Variants in TAF1C observed in about 807,000 individuals in gnomAD.
TAF1C encodes the protein TATA-box binding protein associated factor, RNA polymerase I subunit C, also known as TATA box-binding protein-associated factor RNA polymerase I subunit C.
In TAF1C, 79 loss-of-function variants were observed where a neutral mutation model predicts 70.5. The ratio of observed to expected loss-of-function variants is 1.12; its 90% CI spans 0.93 to 1.35. The LOEUF is 1.35. Ranked by LOEUF, TAF1C falls within the 40% of genes most tolerant of loss-of-function variation. TAF1C has a pLI of 0.00. For synonymous variants in TAF1C, 614 were observed against 491.1 expected, an observed-to-expected ratio of 1.25 and a Z score of -3.31; for missense variants, 1,412 against 1,127.8, an observed-to-expected ratio of 1.25 and a Z score of -3.61.
rs2303236 is a variant in TAF1C at position 84,181,895 on chromosome 16, G to A, written c.839-32C>T. On this transcript the variant is annotated intron_variant, in intron 8 of 14. Coordinates refer to ENST00000566732, the MANE Select transcript of TAF1C (RefSeq NM_001243156.2). The stretch of plus-strand genomic sequence containing the variant: ...AGGGATGGAAAGGGCCAGGGGTCAG[G>A]TAGCAGGTCAGCCAGTGAGGGAGGA... 1.2e-5 allele frequency: 20 copies of A among 1,614,054 alleles called. No homozygotes were observed. In the East Asian group the frequency reaches 4.0e-4, roughly 32 times the overall value.
At position 84,181,117 on chromosome 16, in the gene TAF1C, C is replaced by T; in HGVS notation, c.1234G>A (p.Val412Ile). ...TGCCCCAGGTACTGGGTAAGCAGGA[C>T]ACGTTCCCCTTTCTGGCACGAAGCC... Reference protein sequence around the residue: ...AEASCQKGERVLLTQYLGHSS... With the variant: ...AEASCQKGERILLTQYLGHSS... Residue 412 changes from valine to isoleucine, a missense_variant, in exon 12 of 15, where the codon GTC becomes ATC. Physicochemically the swap from Val to Ile is conservative, Grantham distance 29. Coordinates refer to ENST00000566732, the MANE Select transcript of TAF1C (RefSeq NM_001243156.2). 1.2e-6 allele frequency: 2 copies of T among 1,613,274 alleles called. No homozygotes were observed. Among genetic ancestry groups the T allele is most frequent in the African/African-American group, 2.7e-5 (2 of 75,052 alleles).
At position 84,179,356 on chromosome 16, in the gene TAF1C, C is replaced by G; in HGVS notation, c.2117G>C (p.Trp706Ser). 2 of 1,601,008 alleles carry G rather than the reference C, an allele frequency of 1.2e-6. No homozygotes were observed. The highest frequency in any genetic ancestry group is 1.7e-6 in the Non-Finnish European group (2 of 1,179,096). The change falls in exon 15 of 15, where the codon TGG becomes TCG. Residue 706 changes from tryptophan (W) to serine (S), a missense_variant. By Grantham distance (177) the Trp-to-Ser change is radical. Coordinates refer to ENST00000566732, the MANE Select transcript of TAF1C (RefSeq NM_001243156.2). ...GGTCCTGCCCTGCTGCCTCTCCCAC[C>G]AGGCAGCCCCTCGGCCTGCCCAGGC... ...GEAWAGRGAA[W>S]WERQQGRTSE...
In TAF1C at chr16:84,179,817, C is replaced by A. The variant is rs777416461; in HGVS notation, c.1656G>T (p.Ala552=). The A allele has an allele frequency of 1.9e-6, 3 of 1,609,338 alleles. No homozygotes were observed. The highest frequency in any genetic ancestry group is 2.2e-5 in the East Asian group (1 of 44,778). ...LAAVVPPLPS[A]PTPGLVLFQL... Reference sequence around the variant, plus strand: ...GGAAGAGCACCAGGCCTGGTGTGGGCGCTGAGGGCAAGGGCGGGACGACGG... The same window carrying A: ...GGAAGAGCACCAGGCCTGGTGTGGGAGCTGAGGGCAAGGGCGGGACGACGG... The change falls in exon 15 of 15, where the codon GCG becomes GCT. Residue 552 remains alanine, a synonymous_variant. Coordinates refer to ENST00000566732, the MANE Select transcript of TAF1C (RefSeq NM_001243156.2).
chr16:84,180,628 T>C (rs1460921542), intron 12 of TAF1C: 8 of 610,640 alleles, frequency 1.3e-5, no homozygotes, highest in Non-Finnish European at 2.1e-5. Context: ...TGCCTGGCCT[T>C]CTCGCAGCCA....
chr16:84,184,311 T>C (rs2089367643), intron 2 of TAF1C, among the ~76,000 whole-genome samples: 1 of 152,140 alleles, frequency 6.6e-6, no homozygotes, highest in Non-Finnish European at 1.5e-5. Context: ...AAGCCTCTGC[T>C]CCACTGTCTC....
In TAF1C at chr16:84,181,808, C is replaced by A; in HGVS notation, c.894G>T (p.Gln298His). ...TTGCCTGCAGAAGGGTTGGCTGCCA[C>A]TGTTTACCAAACTTCCACACGGCAC... is the stretch of plus-strand genomic sequence containing the variant. ...YHCAVWKFGK[Q>H]WQPTLLQAMQ... is the part of the protein sequence containing the mutation. The change falls in exon 9 of 15, where the codon CAG (glutamine) becomes CAT (histidine). Residue 298 changes from glutamine to histidine, a missense_variant. Coordinates refer to ENST00000566732, the MANE Select transcript of TAF1C (RefSeq NM_001243156.2). 1 of 1,614,174 alleles carries A rather than the reference C, an allele frequency of 6.2e-7. No homozygotes were observed. Among genetic ancestry groups the A allele is most frequent in the Non-Finnish European group, 8.5e-7 (1 of 1,180,024 alleles).
At chr16:84,181,216 CCA>C in intron 11 of TAF1C, 30 bp from the exon 12 acceptor site, 3 of 1,594,024 alleles carry the variant, frequency 1.9e-6, no homozygotes, top group Non-Finnish European at 2.6e-6. Flanking sequence ...TCAGCCCTCC[CCA>C]CAGTCCCAGG....
At chr16:84,180,476 A>G in intron 12 of TAF1C, 132 bp from the exon 13 acceptor site, 1 of 964,724 alleles carries the variant, frequency 1.0e-6, no homozygotes, top group South Asian at 1.7e-5. Flanking sequence ...ATCAGCCTCC[A>G]CGTGCCTCTC....
At chr16:84,180,730 G>A in intron 12 of TAF1C, 11 of 1,150,200 alleles carry the variant, frequency 9.6e-6, no homozygotes, top group Non-Finnish European at 1.2e-5. Flanking sequence ...CTTCCTCAGA[G>A]CCCCCGCCTC....
Position 84,185,072 on chromosome 16 carries a change from A to G in TAF1C, c.-72-12T>C. 3.3e-6 allele frequency: 5 copies of G among 1,496,626 alleles called. No homozygotes were observed. The South Asian group carries it at 6.4e-5, about 19-fold the overall frequency. 92.7% of individuals were successfully genotyped at this position (1,496,626 alleles called of 1,614,324 possible). On this transcript the variant is annotated splice_polypyrimidine_tract_variant and intron_variant, in intron 1 of 14. Transcript: ENST00000566732. ...GGGCGCCAGAGTTCCTGAGGAGTGA[A>G]AAGTGCACTACGGGAAGCATATGTT... is the stretch of plus-strand genomic sequence containing the variant.
chr16:84,179,250 A>C lies in TAF1C; in HGVS notation c.2223T>G (p.Asp741Glu). ...SSSFSLSGHV[D>E]PSEDTSSPHS... is the part of the protein sequence containing the mutation. ...GAGGGGAGCTGGTGTCCTCTGAGGG[A>C]TCCACATGGCCACTGAGCGAAAAGC... is the stretch of plus-strand genomic sequence containing the variant. Residue 741 changes from aspartate (D) to glutamate (E), a missense_variant, in exon 15 of 15, where the codon GAT becomes GAG. Physicochemically the swap from Asp to Glu is conservative, Grantham distance 45. Transcript: ENST00000566732. 1 of 1,584,708 alleles carries C rather than the reference A, an allele frequency of 6.3e-7. No individual in the cohort carries two copies. The highest frequency in any genetic ancestry group is 8.5e-7 in the Non-Finnish European group (1 of 1,171,880).
chr16:84,182,026 T>C lies in TAF1C; in HGVS notation c.754A>G (p.Asn252Asp), dbSNP rs149739331. The part of the protein sequence containing the change: ...FQEVVLTPGD[N>D]PQFLGKPGRI... ...CCAGGTTTCCCAAGGAATTGGGGAT[T>C]GTCACCTGGGGTCAGAACGACCTCT... Residue 252 changes from asparagine to aspartate, a missense_variant, in exon 8 of 15, where the codon AAT becomes GAT. Transcript: ENST00000566732. This position sits in a 1 kb window ranked among gnomAD's most constrained non-coding sequence, Gnocchi z 5.0. The C allele has an allele frequency of 6.0e-5, 96 of 1,613,396 alleles. No individual in the cohort carries two copies. The highest frequency in any genetic ancestry group is 8.1e-5 in the Non-Finnish European group (96 of 1,180,012).
At chr16:84,183,365 A>G (rs1214659957) in intron 4 of TAF1C, 32 bp from the exon 5 acceptor site, 7 of 1,613,742 alleles carry the variant, frequency 4.3e-6, no homozygotes, top group Middle Eastern at 1.6e-4. Context: ...GTCACTAAGC[A>G]CAGTCTCCAG....
Position 84,179,803 on chromosome 16 carries a change from A to G in TAF1C, c.1670T>C (p.Leu557Pro), listed in dbSNP as rs1220764712. ...CGCCGCCGAGAGCTGGAAGAGCACC[A>G]GGCCTGGTGTGGGCGCTGAGGGCAA... Reference protein sequence around the residue: ...PPLPSAPTPGLVLFQLSAAGD... With the variant: ...PPLPSAPTPGPVLFQLSAAGD... Residue 557 changes from leucine (L) to proline (P), a missense_variant, in exon 15 of 15, where the codon CTG becomes CCG. By Grantham distance (98) the Leu-to-Pro change is moderately conservative. Coordinates refer to ENST00000566732, the MANE Select transcript of TAF1C (RefSeq NM_001243156.2). The G allele has an allele frequency of 1.9e-6, 3 of 1,609,934 alleles. No homozygotes were observed. The highest frequency in any genetic ancestry group is 2.5e-6 in the Non-Finnish European group (3 of 1,178,650).
At position 84,179,597 on chromosome 16, in the gene TAF1C, C is replaced by G. The variant is rs1424120384; in HGVS notation, c.1876G>C (p.Val626Leu). 4 of 1,612,624 alleles carry G rather than the reference C, an allele frequency of 2.5e-6. No homozygotes were observed. Among genetic ancestry groups the G allele is most frequent in the East Asian group, 2.2e-5 (1 of 44,870 alleles). ...ALLKVPLAPP[V>L]WTAPTFTHRQ... ...TGGGTGAAGGTGGGTGCTGTCCACA[C>G]AGGAGGAGCCAGGGGCACTTTTAGC... The change falls in exon 15 of 15, where the codon GTG becomes CTG. Residue 626 changes from valine to leucine, a missense_variant. Val to Leu is a conservative substitution (Grantham distance 32, BLOSUM62 1). Transcript: ENST00000566732.
Position 84,177,975 on chromosome 16 carries a change from T to C in TAF1C, c.*966A>G. The C allele has an allele frequency of 9.0e-6, 7 of 776,016 alleles. No homozygotes were observed. Among genetic ancestry groups the C allele is most frequent in the Non-Finnish European group, 1.3e-5 (6 of 451,586 alleles). The allele number at this position is 776,016 out of a possible 1,614,324, so 48.1% of individuals were successfully genotyped here. Reference sequence around the variant, plus strand: ...GTTTGTGTGAGTCACATGCAATTCCTTTCACCAGCCAACCTGAAAAAAGAC... The same window carrying C: ...GTTTGTGTGAGTCACATGCAATTCCCTTCACCAGCCAACCTGAAAAAAGAC... On this transcript the variant is annotated 3_prime_UTR_variant, in exon 15 of 15. Coordinates refer to ENST00000566732, the MANE Select transcript of TAF1C (RefSeq NM_001243156.2).
intron 12 of TAF1C, chr16:84,180,741 C>T (rs2089127282): frequency 8.1e-7 from 1 of 1,230,902 alleles, no homozygotes; most frequent in Non-Finnish European, 1.0e-6. Flanking sequence ...CCCCCGCCTC[C>T]TGCACAGCAG....
rs1032785466 is a variant in TAF1C, at chr16:84,185,019, C to T, written c.-31G>A. 1 of 1,605,344 alleles carries T rather than the reference C, an allele frequency of 6.2e-7. No homozygotes were observed. The highest frequency in any genetic ancestry group is 8.5e-7 in the Non-Finnish European group (1 of 1,175,208). ...AAACAAGGACCAAGCACCACACTGGCCACCTCGAGAGACTGGAAGCTGGTA... is the reference window on the plus strand; with the variant it reads ...AAACAAGGACCAAGCACCACACTGGTCACCTCGAGAGACTGGAAGCTGGTA... On this transcript the variant is annotated 5_prime_UTR_variant, in exon 2 of 15. Transcript: ENST00000566732.
At position 84,179,861 on chromosome 16, in the gene TAF1C, G is replaced by A. The variant is rs745797416; in HGVS notation, c.1622-10C>T. Reference sequence around the variant, plus strand: ...ACGACGGCAGCCAGACCTGGTGACGGGAATGACAATGACCTCCAGGGCCTA... The same window carrying A: ...ACGACGGCAGCCAGACCTGGTGACGAGAATGACAATGACCTCCAGGGCCTA... On this transcript the variant is annotated splice_polypyrimidine_tract_variant and intron_variant, in intron 14 of 14. Coordinates refer to ENST00000566732, the MANE Select transcript of TAF1C (RefSeq NM_001243156.2). 6.2e-7 allele frequency: 1 copy of A among 1,607,620 alleles called. No individual in the cohort carries two copies. Among genetic ancestry groups the A allele is most frequent in the Non-Finnish European group, 8.5e-7 (1 of 1,176,684 alleles).
Sources: gnomAD v4.1 joint callset for allele counts (sites outside exome capture counted in the v4.1 genomes callset) on GRCh38, gnomAD v4.1.1 for gene constraint, Gnocchi (gnomAD v3.1) non-coding constraint, MANE v1.5 for transcripts, NCBI Gene and HGNC (gene_info 2026-07-23, HGNC 2026-07-21) for gene names.